The following CYGB variants were observed in gnomAD, a reference collection of about 807,000 sequenced individuals.
CYGB encodes histoglobin.
A neutral mutation model predicts 20.7 loss-of-function variants in CYGB; 13 were observed. The ratio of observed to expected loss-of-function variants is 0.63; its 90% CI spans 0.41 to 1.00. The LOEUF is 1.00. Ranked by LOEUF, CYGB falls within the 50% of genes least tolerant of loss-of-function variation. The pLI, the probability that CYGB is intolerant of heterozygous loss-of-function variation, is 0.00. For synonymous variants in CYGB, 93 were observed against 107.4 expected (o/e 0.87, Z 0.83); for missense variants, 218 against 257.2 (o/e 0.85, Z 1.04).
chr17:76,544,099 A>C, intron 1 of CYGB: 1 of 454,562 alleles, frequency 2.2e-6, no homozygotes, highest in Non-Finnish European at 4.4e-6. Flanking sequence ...TCCTGAGCAG[A>C]GATAAAAGCA....
chr17:76,542,560 G>A, upstream of CYGB: 1 of 1,614,224 alleles, frequency 6.2e-7, no homozygotes, highest in Non-Finnish European at 8.5e-7. Context: ...TAGGGAGAAA[G>A]AACCTCTGAA....
At position 76,533,058 on chromosome 17, in the gene CYGB, T is replaced by G. The variant is rs2074867128; in HGVS notation, c.144-1367A>C. On this transcript the variant is annotated intron_variant, in intron 1 of 3. Coordinates refer to ENST00000293230, the MANE Select transcript of CYGB (RefSeq NM_134268.5). The surrounding 1 kb of genome is among the most constrained non-coding windows in gnomAD (Gnocchi z 4.5). ...TAGCCCTTTGGCCAGGAGTCGAGTC[T>G]CAGATGTGAGGGCTGGAACAGATGC... Among the ~76,000 whole-genome samples, 1 of 152,188 alleles carries G rather than the reference T, an allele frequency of 6.6e-6. No homozygotes were observed. The highest frequency in any genetic ancestry group is 1.5e-5 in the Non-Finnish European group (1 of 68,030).
At chr17:76,545,179 GCT>G (rs745635017) in intron 1 of CYGB, 7 of 456,638 alleles carry the variant, frequency 1.5e-5, no homozygotes, top group South Asian at 9.3e-5. Context: ...CCACCCCTGG[GCT>G]CTCTGCGCAG....
chr17:76,528,115 T>G lies in CYGB; in HGVS notation c.*463A>C. The G allele has an allele frequency of 3.0e-5, 12 of 405,322 alleles. No homozygotes were observed. Among genetic ancestry groups the G allele is most frequent in the Non-Finnish European group, 4.0e-5 (9 of 226,492 alleles). The allele number at this position is 405,322 out of a possible 1,614,324, so 25.1% of individuals were successfully genotyped here. A position where few individuals can be genotyped will look rare whatever the true frequency, so the allele number is the denominator to read the frequency against. ...CGCGGATACACATTCTAGATATGTA[T>G]GTGTGTATATATATATGTATATATA... On this transcript the variant is annotated 3_prime_UTR_variant, in exon 4 of 4. Transcript: ENST00000293230. This position sits in a 1 kb window ranked among gnomAD's most constrained non-coding sequence, Gnocchi z 5.8.
At chr17:76,547,628 T>C (rs1268481608) in intron 1 of CYGB, among the ~76,000 whole-genome samples, 1 of 129,170 alleles carries the variant, frequency 7.7e-6, no homozygotes, top group African/African-American at 3.1e-5. Context: ...TGTCCCTATG[T>C]GAACACACAC....
At chr17:76,544,427 G>T (rs760052677) in intron 1 of CYGB, 5 of 454,836 alleles carry the variant, frequency 1.1e-5, no homozygotes, top group African/African-American at 8.0e-5. Flanking sequence ...GGTGGGGGAG[G>T]AGGTGCACCC....
chr17:76,538,324 T>G (rs577496587), upstream of CYGB: 23 of 304,700 alleles, frequency 7.5e-5, no homozygotes, highest in South Asian at 5.3e-4. Flanking sequence ...CTCTGGGGGG[T>G]TAGCACGGGG....
rs1363673227 is a variant in CYGB, at chr17:76,529,061, C to G, written c.540-450G>C. On this transcript the variant is annotated intron_variant, in intron 3 of 3. Transcript: ENST00000293230. ...GTCATTGCGCCCCCCCCCCACCCCC[C>G]ACCCACGCAAAGGCGCACACCCTGG... The G allele has an allele frequency of 1.7e-5, 9 of 541,410 alleles. No individual in the cohort carries two copies. The East Asian group carries it at 1.2e-3, about 72-fold the overall frequency. 33.5% of individuals were successfully genotyped at this position (541,410 alleles called of 1,614,324 possible).
chr17:76,539,703 A>G (rs1226439088), upstream of CYGB, among the ~76,000 whole-genome samples: 6 of 152,228 alleles, frequency 3.9e-5, no homozygotes, highest in Non-Finnish European at 7.3e-5. Flanking sequence ...TGCCTTGTGC[A>G]CTGCAAATTC....
At chr17:76,538,599 CAA>C, upstream of CYGB, 1 of 423,046 alleles carries the variant, frequency 2.4e-6, no homozygotes, top group South Asian at 1.7e-5. Context: ...ACCTGGCAGA[CAA>C]AAAGTCTTGA....
chr17:76,534,720 C>T (rs1003481352), intron 1 of CYGB, among the ~76,000 whole-genome samples: 15 of 152,210 alleles, frequency 9.9e-5, no homozygotes, highest in African/African-American at 3.6e-4. Flanking sequence ...GACAGTTTCC[C>T]TACACTGCCT....
chr17:76,537,858 G>GC (rs1567909506), upstream of CYGB: 6 of 151,758 alleles, frequency 4.0e-5, no homozygotes, highest in African/African-American at 1.5e-4. Context: ...ATGCCGGCAA[G>GC]GTGAAGGCTG....
In CYGB at chr17:76,531,318, T is replaced by C. The variant is rs2074838651; in HGVS notation, c.375+142A>G. 8.2e-7 allele frequency: 1 copy of C among 1,225,142 alleles called. No homozygotes were observed. The highest frequency in any genetic ancestry group is 1.1e-6 in the Non-Finnish European group (1 of 881,136). 75.9% of individuals were successfully genotyped at this position (1,225,142 alleles called of 1,614,324 possible). On this transcript the variant is annotated intron_variant, in intron 2 of 3. Coordinates refer to ENST00000293230, the MANE Select transcript of CYGB (RefSeq NM_134268.5). This position sits in a 1 kb window ranked among gnomAD's most constrained non-coding sequence, Gnocchi z 7.4. ...TGCCCTGGACCCAGCCCCTCCATCC[T>C]GCTGCCGGGCACTGCCCCTCCCTCT...
rs2075050234 is a variant in CYGB at position 76,546,099 on chromosome 17, C to A, written c.-53+4763G>T. The stretch of plus-strand genomic sequence containing the variant: ...TCTGCTTCCGGAATGAACCTCAGCT[C>A]CTTGACAAGACGGGAGGCGCTGCCC... On this transcript the variant is annotated intron_variant, in intron 1 of 3. Coordinates refer to the CYGB transcript ENST00000589145. The surrounding 1 kb of genome is among the most constrained non-coding windows in gnomAD (Gnocchi z 4.5). The A allele has an allele frequency of 6.6e-6, 1 of 152,494 alleles. No individual in the cohort carries two copies. Among genetic ancestry groups the A allele is most frequent in the Non-Finnish European group, 1.5e-5 (1 of 68,256 alleles). The allele number at this position is 152,494 out of a possible 1,614,324, so 9.4% of individuals were successfully genotyped here. A position where few individuals can be genotyped will look rare whatever the true frequency, so the allele number is the denominator to read the frequency against.
rs986533481 is a variant in CYGB, at chr17:76,530,944, G to A, written c.539+35C>T. 6.5e-7 allele frequency: 1 copy of A among 1,537,022 alleles called. No individual in the cohort carries two copies. Among genetic ancestry groups the A allele is most frequent in the Non-Finnish European group, 8.8e-7 (1 of 1,138,224 alleles). ...CGGGGACAGCAGAGGACATGGCGGGGAGGCTGCCCAGCCCACCCTCGCCCG... is the reference window on the plus strand; with the variant it reads ...CGGGGACAGCAGAGGACATGGCGGGAAGGCTGCCCAGCCCACCCTCGCCCG... On this transcript the variant is annotated intron_variant, in intron 3 of 3. Coordinates refer to ENST00000293230, the MANE Select transcript of CYGB (RefSeq NM_134268.5). This position sits in a 1 kb window ranked among gnomAD's most constrained non-coding sequence, Gnocchi z 6.1.
upstream of CYGB, chr17:76,540,200 C>T: frequency 3.7e-6 from 6 of 1,602,548 alleles, no homozygotes; most frequent in Non-Finnish European, 5.1e-6. This position sits in a 1 kb window ranked among gnomAD's most constrained non-coding sequence, Gnocchi z 5.0. Context: ...CGCCGATTTG[C>T]CAACCGAGTC....
chr17:76,545,058 G>A (rs1272965654), intron 1 of CYGB: 2 of 451,732 alleles, frequency 4.4e-6, no homozygotes, highest in Admixed American at 2.4e-5. Flanking sequence ...TGTGGGCCGG[G>A]TGGGGGGGCT....
At chr17:76,534,109 TTCTTCTTTC>T (rs2074882627) in intron 1 of CYGB, among the ~76,000 whole-genome samples, 1 of 148,608 alleles carries the variant, frequency 6.7e-6, no homozygotes, top group Non-Finnish European at 1.5e-5. Flanking sequence ...TTTTCTTTCT[TTCTTCTTTC>T]TTTCTTTCTT....
At chr17:76,540,255 G>GT (rs773995352), upstream of CYGB, 7 of 1,095,562 alleles carry the variant, frequency 6.4e-6, no homozygotes, top group South Asian at 4.0e-5. This position sits in a 1 kb window ranked among gnomAD's most constrained non-coding sequence, Gnocchi z 5.0. Context: ...GTTGGTCGGG[G>GT]GGGGGGGGCA....
Sources: allele counts gnomAD v4.1 joint callset (sites outside exome capture counted in the v4.1 genomes callset), GRCh38; gene constraint gnomAD v4.1.1; non-coding constraint Gnocchi (gnomAD v3.1); transcripts MANE v1.5; gene names NCBI Gene and HGNC (gene_info 2026-07-23, HGNC 2026-07-21).